The following TCF12 variants were observed in gnomAD, a reference collection of about 807,000 sequenced individuals.
The protein encoded by TCF12 is DNA-binding protein HTF4.
TCF12 carries 45 observed loss-of-function variants against 86.0 expected under a neutral mutation model. That is an observed-to-expected ratio of 0.52 (90% confidence interval 0.41 to 0.67). The LOEUF is 0.67. Ranked by LOEUF, TCF12 falls within the 30% of genes least tolerant of loss-of-function variation. The pLI is 0.00. For missense variants in TCF12, 881 were observed against 859.9 expected, an observed-to-expected ratio of 1.02 and a Z score of -0.31; for synonymous variants, 330 against 299.6, an observed-to-expected ratio of 1.10 and a Z score of -1.05.
At chr15:57,264,496 C>T (rs1002638949) in intron 18 of TCF12, among the ~76,000 whole-genome samples, 2 of 151,830 alleles carry the variant, frequency 1.3e-5, no homozygotes, top group Non-Finnish European at 2.9e-5. Context: ...CCACCGCACC[C>T]GGCCTTTGTA....
chr15:57,025,453 A>G (rs2065770604), intron 3 of TCF12, among the ~76,000 whole-genome samples: 1 of 152,004 alleles, frequency 6.6e-6, no homozygotes, highest in African/African-American at 2.4e-5. Context: ...CACATTTCTT[A>G]TCTATGCACC....
At position 57,273,177 on chromosome 15, in the gene TCF12, C is replaced by T. The variant is rs1203447552; in HGVS notation, c.1893C>T (p.His631=). Reference sequence around the variant, plus strand: ...AGCTTGGCCGAATGTGTCAGCTTCACTTGAAGAGTGAAAAACCCCAAACAA... The same window carrying T: ...AGCTTGGCCGAATGTGTCAGCTTCATTTGAAGAGTGAAAAACCCCAAACAA... ...FKELGRMCQL[H]LKSEKPQTKL... The change falls in exon 19 of 21, where the codon CAC becomes CAT. Residue 631 remains histidine, a synonymous_variant. Coordinates refer to ENST00000333725, the MANE Select transcript of TCF12 (RefSeq NM_207037.2). 3 of 1,614,078 alleles carry T rather than the reference C, an allele frequency of 1.9e-6. No individual in the cohort carries two copies. In the Admixed American group the frequency reaches 5.0e-5, roughly 27 times the overall value.
At chr15:57,122,072 GCTT>G (rs139562605) in intron 5 of TCF12, among the ~76,000 whole-genome samples, 10,983 of 142,782 alleles carry the variant, frequency 0.077, 508 homozygotes, top group African/African-American at 0.13. Context: ...CACTTTTCCT[GCTT>G]CTTATCTCCT....
chr15:57,147,540 C>G (rs1465550396), intron 5 of TCF12, among the ~76,000 whole-genome samples: 1 of 151,538 alleles, frequency 6.6e-6, no homozygotes, highest in Non-Finnish European at 1.5e-5. Flanking sequence ...CATAAAAGCA[C>G]TAAGTGAGAT....
At chr15:57,007,802 CTTTCTTTCTTTCTTTCTT>C (rs1308564462) in intron 3 of TCF12, among the ~76,000 whole-genome samples, 15 of 121,010 alleles carry the variant, frequency 1.2e-4, no homozygotes, top group Admixed American at 1.7e-4. Context: ...CTCTTTCTTT[CTTTCTTTCTTTCTTTCTT>C]TTTCTTTCTT....
intron 6 of TCF12, among the ~76,000 whole-genome samples, chr15:57,170,818 T>TC (rs2055431632): frequency 9.7e-6 from 1 of 103,034 alleles, no homozygotes; most frequent in Non-Finnish European, 1.8e-5. Flanking sequence ...TTTTTTTTTT[T>TC]TTTTTTAGAG....
At chr15:57,129,287 G>T (rs180905426) in intron 5 of TCF12, among the ~76,000 whole-genome samples, 1 of 152,348 alleles carries the variant, frequency 6.6e-6, no homozygotes, top group Non-Finnish European at 1.5e-5. Context: ...TAGGTTGGGT[G>T]CTATGGCTTA....
intron 3 of TCF12, among the ~76,000 whole-genome samples, chr15:56,931,039 GTCTC>G (rs1278922012): frequency 6.6e-6 from 1 of 151,490 alleles, no homozygotes; most frequent in Non-Finnish European, 1.5e-5. Context: ...ATGGAGATCT[GTCTC>G]TCTCTCTCTC....
rs140843372 is a variant in TCF12, at chr15:57,277,527, G to T, written c.1978+4265G>T. ...GCAAGTAGTCCCAGCTACTTGGGAG[G>T]CTGAGGCAGGAGAATCGCTTGAACC... is the stretch of plus-strand genomic sequence containing the variant. On this transcript the variant is annotated intron_variant, in intron 19 of 20. Transcript: ENST00000333725. Among the ~76,000 whole-genome samples, 40 of 151,816 alleles carry T rather than the reference G, an allele frequency of 2.6e-4. No homozygotes were observed. In the East Asian group the frequency reaches 7.4e-3, roughly 28 times the overall value.
chr15:57,075,804 T>TTCTCTCTC (rs1244304206), intron 4 of TCF12, among the ~76,000 whole-genome samples: 782 of 28,570 alleles, frequency 0.027, 51 homozygotes, highest in Middle Eastern at 0.034. Flanking sequence ...CTTTCTTTCT[T>TTCTCTCTC]TCTCTCTCTC....
At chr15:57,050,227 G>A (rs911261561) in intron 3 of TCF12, among the ~76,000 whole-genome samples, 4 of 151,922 alleles carry the variant, frequency 2.6e-5, no homozygotes, top group Admixed American at 6.5e-5. Context: ...ATCTTTATTC[G>A]TACTCACATA....
chr15:56,991,279 C>G lies in TCF12; in HGVS notation c.148+70181C>G, dbSNP rs1027763012. Among the ~76,000 whole-genome samples the G allele has an allele frequency of 3.3e-5, 5 of 152,260 alleles. No homozygotes were observed. In the South Asian group the frequency reaches 1.0e-3, roughly 32 times the overall value. On this transcript the variant is annotated intron_variant, in intron 3 of 20. Transcript: ENST00000333725. The stretch of plus-strand genomic sequence containing the variant: ...ATCCAATTCTCTCCTGATTTCTTTA[C>G]TTTTCCTCCTCTTTTCTCTTTCCTC...
chr15:56,941,562 A>G (rs2060777839), intron 3 of TCF12, among the ~76,000 whole-genome samples: 2 of 151,782 alleles, frequency 1.3e-5, no homozygotes, highest in African/African-American at 4.8e-5. Context: ...TTCAGTAGAG[A>G]CAGGGTTTCA....
chr15:57,113,878 C>T (rs1217678733), intron 5 of TCF12, among the ~76,000 whole-genome samples: 4 of 151,388 alleles, frequency 2.6e-5, no homozygotes, highest in South Asian at 4.2e-4. Flanking sequence ...ATAGCTTGAG[C>T]CCAGGAGGTA....
At chr15:57,117,038 T>G (rs1283991297) in intron 5 of TCF12, among the ~76,000 whole-genome samples, 5 of 152,240 alleles carry the variant, frequency 3.3e-5, no homozygotes, top group African/African-American at 1.2e-4. Context: ...CACTTTTGTT[T>G]ATGAGGAAAA....
intron 3 of TCF12, among the ~76,000 whole-genome samples, chr15:56,971,502 T>A (rs1346315716): frequency 6.6e-6 from 1 of 152,002 alleles, no homozygotes; most frequent in Non-Finnish European, 1.5e-5. Context: ...TTATGGACAG[T>A]TCCCACCATG....
At chr15:57,236,740 T>C (rs1283606767) in intron 12 of TCF12, among the ~76,000 whole-genome samples, 1 of 152,040 alleles carries the variant, frequency 6.6e-6, no homozygotes, top group Non-Finnish European at 1.5e-5. Context: ...GCCTGCATAA[T>C]TGTGGTCTTA....
intron 6 of TCF12, among the ~76,000 whole-genome samples, chr15:57,186,945 C>G (rs1378664138): frequency 6.6e-6 from 1 of 152,152 alleles, no homozygotes; most frequent in Non-Finnish European, 1.5e-5. Context: ...CTTTAGGAGG[C>G]CAAAGCGGGC....
rs1357345081 is a variant in TCF12, at chr15:56,980,794, C to G, written c.148+59696C>G. 6.6e-5 allele frequency among the ~76,000 whole-genome samples: 10 copies of G among 152,264 alleles called. 1 individual carries two copies. The highest frequency in any genetic ancestry group is 6.5e-4 in the Admixed American group (10 of 15,284). On this transcript the variant is annotated intron_variant, in intron 3 of 20. Transcript: ENST00000333725. ...TCTGCTAGTCATGTTTGGCTGTTTA[C>G]TCATGTGGCTCTCTTCTCTCAGATT...
Sources: gnomAD v4.1 joint callset for allele counts (sites outside exome capture counted in the v4.1 genomes callset) on GRCh38, gnomAD v4.1.1 for gene constraint, MANE v1.5 for transcripts, NCBI Gene and HGNC (gene_info 2026-07-23, HGNC 2026-07-21) for gene names.